The following NDST1 variants were observed in gnomAD, a reference collection of about 807,000 sequenced individuals.
NDST1 encodes the protein N-deacetylase and N-sulfotransferase 1.
Under a neutral mutation model 92.8 loss-of-function variants are expected in NDST1, and 35 were observed. The ratio of observed to expected loss-of-function variants is 0.38; its 90% CI spans 0.29 to 0.50. NDST1 has a LOEUF of 0.50. NDST1 is among the 20% of genes least tolerant of loss of function. The pLI, the probability that NDST1 is intolerant of heterozygous loss-of-function variation, is 0.94. For synonymous variants in NDST1, 493 were observed against 500.3 expected (o/e 0.99, Z 0.19); for missense variants, 822 against 1,182.7 (o/e 0.69, Z 4.47).
At chr5:150,532,058 G>A (rs959348522) in intron 3 of NDST1, among the ~76,000 whole-genome samples, 9 of 152,204 alleles carry the variant, frequency 5.9e-5, no homozygotes, top group Admixed American at 1.3e-4. Flanking sequence ...TACAGCGGCA[G>A]TGACCACAGA....
At chr5:150,498,074 AGTGCTGACGGGGCCGT>A (rs1317474712) in exon 1 of NDST1, 2 of 152,666 alleles carry the variant, frequency 1.3e-5, no homozygotes, top group African/African-American at 4.8e-5. Flanking sequence ...GTCCCTGTGG[AGTGCTGACGGGGCCGT>A]GTGCACTGCG....
chr5:150,517,534 A>G lies in NDST1; in HGVS notation c.-387-3334A>G, dbSNP rs538761553. ...TACTTTCGGGTTCACCTCTGGTAGT[A>G]TGCATTCTGTGGGTTTGGACAAATG... is the stretch of plus-strand genomic sequence containing the variant. On this transcript the variant is annotated intron_variant, in intron 1 of 14. Coordinates refer to ENST00000261797, the MANE Select transcript of NDST1 (RefSeq NM_001543.5). 3.9e-5 allele frequency among the ~76,000 whole-genome samples: 6 copies of G among 152,272 alleles called. No homozygotes were observed. In the East Asian group the frequency reaches 1.2e-3, roughly 29 times the overall value.
At chr5:150,523,250 T>A (rs1297071978) in intron 2 of NDST1, among the ~76,000 whole-genome samples, 2 of 152,252 alleles carry the variant, frequency 1.3e-5, no homozygotes, top group African/African-American at 4.8e-5. Context: ...TTTATGGCTT[T>A]ACAATGACAT....
chr5:150,529,541 A>G (rs1341361796), intron 3 of NDST1, among the ~76,000 whole-genome samples: 2 of 152,218 alleles, frequency 1.3e-5, no homozygotes, highest in East Asian at 3.8e-4. Context: ...TACAGTTTTC[A>G]TCTACTCACT....
At position 150,527,890 on chromosome 5, in the gene NDST1, C is replaced by T. The variant is rs762510239; in HGVS notation, c.600C>T (p.Ile200=). The part of the protein sequence containing the change: ...HSNLGLKDCS[I]NPKSPLLYVT... ...ACCTGGGCCTGAAGGACTGCAGCAT[C>T]AACCCCAAGTCCCCGCTGCTCTACG... The change falls in exon 3 of 15, where the codon ATC becomes ATT. Residue 200 remains isoleucine (I), a synonymous_variant. Coordinates refer to ENST00000261797, the MANE Select transcript of NDST1 (RefSeq NM_001543.5). 144 of 1,614,034 alleles carry T rather than the reference C, an allele frequency of 8.9e-5. No individual in the cohort carries two copies. The highest frequency in any genetic ancestry group is 1.2e-4 in the Non-Finnish European group (139 of 1,180,020).
At position 150,540,271 on chromosome 5, in the gene NDST1, G is replaced by C; in HGVS notation, c.1749+7G>C. On this transcript the variant is annotated splice_region_variant and intron_variant, in intron 8 of 14. Coordinates refer to ENST00000261797, the MANE Select transcript of NDST1 (RefSeq NM_001543.5). The stretch of plus-strand genomic sequence containing the variant: ...GAAGGACCCGCTCTGGCAGGTGGGG[G>C]GCTGGGCAGCCTGGGCAGGTTGCTA... The C allele has an allele frequency of 6.3e-7, 1 of 1,597,566 alleles. No homozygotes were observed. The highest frequency in any genetic ancestry group is 1.1e-5 in the South Asian group (1 of 88,900).
intron 11 of NDST1, among the ~76,000 whole-genome samples, chr5:150,546,319 T>A (rs187956401): frequency 1.3e-5 from 2 of 152,280 alleles, no homozygotes; most frequent in Non-Finnish European, 2.9e-5. Flanking sequence ...CTTTAATGCC[T>A]ATGGCCTGAC....
At chr5:150,504,660 T>A (rs1753370044), upstream of NDST1, among the ~76,000 whole-genome samples, 2 of 152,224 alleles carry the variant, frequency 1.3e-5, no homozygotes, top group Admixed American at 1.3e-4. Context: ...GGATGCCAGC[T>A]CTGCCCCTTC....
chr5:150,543,529 A>C (rs575036759), intron 10 of NDST1, among the ~76,000 whole-genome samples: 14 of 152,258 alleles, frequency 9.2e-5, no homozygotes, highest in Non-Finnish European at 1.3e-4. Flanking sequence ...TTTACTCTCC[A>C]CCTTTTCAGT....
upstream of NDST1, among the ~76,000 whole-genome samples, chr5:150,503,211 G>A (rs1299930092): frequency 6.6e-6 from 1 of 152,180 alleles, no homozygotes; most frequent in Non-Finnish European, 1.5e-5. Flanking sequence ...GGGAGGCTGA[G>A]GCTGGTGGAT....
chr5:150,526,439 G>A (rs76629498), intron 2 of NDST1, among the ~76,000 whole-genome samples: 6 of 152,184 alleles, frequency 3.9e-5, no homozygotes, highest in Admixed American at 1.3e-4. Context: ...CCTGTATTGA[G>A]CGTCTATCTA....
intron 13 of NDST1, chr5:150,550,424 AAC>A (rs1305109712): frequency 6.3e-6 from 1 of 157,540 alleles, no homozygotes; most frequent in Non-Finnish European, 1.4e-5. Flanking sequence ...AGGAAAAGGA[AAC>A]ACAAATGTTG....
chr5:150,547,949 TC>T (rs1755564299), intron 11 of NDST1, among the ~76,000 whole-genome samples: 1 of 152,094 alleles, frequency 6.6e-6, no homozygotes, highest in Non-Finnish European at 1.5e-5. Flanking sequence ...CTCCCAAAAT[TC>T]TGGGATTACA....
rs777533136 is a variant in NDST1 at position 150,528,284 on chromosome 5, G to T, written c.994G>T (p.Val332Leu). Reference sequence around the variant, plus strand: ...GGGCAAGGAGGGCACACGCATGAAGGTGGAGGACGTGAAGGTATGGCCGGG... The same window carrying T: ...GGGCAAGGAGGGCACACGCATGAAGTTGGAGGACGTGAAGGTATGGCCGGG... Reference protein sequence around the residue: ...FVGKEGTRMKVEDVKALFDTQ... With the variant: ...FVGKEGTRMKLEDVKALFDTQ... Residue 332 changes from valine (V) to leucine (L), a missense_variant, in exon 3 of 15, where the codon GTG (valine) becomes TTG (leucine). Coordinates refer to ENST00000261797, the MANE Select transcript of NDST1 (RefSeq NM_001543.5). 3.1e-6 allele frequency: 5 copies of T among 1,598,204 alleles called. No homozygotes were observed. The highest frequency in any genetic ancestry group is 8.6e-7 in the Non-Finnish European group (1 of 1,168,268).
Position 150,521,373 on chromosome 5 carries a change from G to T in NDST1, c.119G>T (p.Gly40Val), listed in dbSNP as rs768165787. 6.2e-7 allele frequency: 1 copy of T among 1,613,470 alleles called. No individual in the cohort carries two copies. Among genetic ancestry groups the T allele is most frequent in the Non-Finnish European group, 8.5e-7 (1 of 1,179,900 alleles). ...SVFISAYYLYGWKRGLEPSAD... is the reference protein window; with the variant it reads ...SVFISAYYLYVWKRGLEPSAD... The stretch of plus-strand genomic sequence containing the variant: ...TTCATCTCGGCCTACTACCTATATG[G>T]CTGGAAGCGAGGCCTGGAGCCCTCG... Residue 40 changes from glycine to valine, a missense_variant, in exon 2 of 15, where the codon GGC becomes GTC. Gly to Val is a moderately radical substitution (Grantham distance 109). Transcript: ENST00000261797. The surrounding 1 kb of genome is among the most constrained non-coding windows in gnomAD (Gnocchi z 5.9).
intron 1 of NDST1, among the ~76,000 whole-genome samples, chr5:150,503,017 C>T (rs752699342): frequency 1.3e-5 from 2 of 152,044 alleles, no homozygotes; most frequent in Non-Finnish European, 2.9e-5. Flanking sequence ...GAATCCTTGC[C>T]TGCTGCTTGG....
intron 6 of NDST1, among the ~76,000 whole-genome samples, chr5:150,537,720 ACCCACAC>A (rs1317714625): frequency 1.3e-5 from 2 of 152,286 alleles, no homozygotes; most frequent in East Asian, 3.8e-4. Flanking sequence ...GATCTCTGTG[ACCCACAC>A]CCTATTCGTA....
chr5:150,539,458 A>G, intron 7 of NDST1, 102 bp downstream of exon 7: 2 of 1,602,386 alleles, frequency 1.2e-6, no homozygotes, highest in Non-Finnish European at 1.7e-6. Context: ...GTGGAGAGGC[A>G]TGAGTGAGTG....
chr5:150,498,827 G>T (rs1753109459), intron 1 of NDST1, among the ~76,000 whole-genome samples: 1 of 152,182 alleles, frequency 6.6e-6, no homozygotes, highest in South Asian at 2.1e-4. Context: ...GCTACCTGGG[G>T]ACAGCACTAA....
Sources: allele counts gnomAD v4.1 joint callset (sites outside exome capture counted in the v4.1 genomes callset), GRCh38; gene constraint gnomAD v4.1.1; non-coding constraint Gnocchi (gnomAD v3.1); transcripts MANE v1.5; gene names NCBI Gene and HGNC (gene_info 2026-07-23, HGNC 2026-07-21).